Variants in SP8 observed in about 807,000 individuals in gnomAD.
SP8 encodes the protein transcription factor Sp8.
SP8 carries 7 observed loss-of-function variants against 15.3 expected under a neutral mutation model. The observed-to-expected ratio is 0.46, with a 90% CI of 0.26 to 0.86. The LOEUF (loss-of-function observed/expected upper bound fraction) is 0.86, where lower values mean the gene tolerates loss of function less well. Ranked by LOEUF, SP8 falls within the 40% of genes least tolerant of loss-of-function variation. SP8 has a pLI of 0.16. For missense variants in SP8, 731 were observed against 736.4 expected (o/e 0.99, Z 0.09); for synonymous variants, 415 against 356.3 (o/e 1.16, Z -1.86).
Position 20,784,322 on chromosome 7 carries a change from G to C in SP8, c.1495C>G (p.Pro499Ala). ...PCHSPELLQP[P>A]EPGHRNGLE ...AGGCCGTTGCGGTGCCCGGGCTCGG[G>C]GGGCTGCAGCAGCTCTGGGGAGTGG... is the stretch of plus-strand genomic sequence containing the variant. Residue 499 changes from proline to alanine, a missense_variant, in exon 2 of 2, where the codon CCC becomes GCC. Pro to Ala is a conservative substitution (Grantham distance 27, BLOSUM62 -1). This residue lies in a region of SP8 where 114 missense variants were observed against 111.9 expected (regional missense o/e 1.02). Coordinates refer to ENST00000418710, the MANE Select transcript of SP8 (RefSeq NM_182700.6). 1 of 1,504,074 alleles carries C rather than the reference G, an allele frequency of 6.6e-7. No homozygotes were observed. Among genetic ancestry groups the C allele is most frequent in the Non-Finnish European group, 8.8e-7 (1 of 1,133,560 alleles). 93.2% of individuals were successfully genotyped at this position (1,504,074 alleles called of 1,614,324 possible).
rs576741005 is a variant in SP8, at chr7:20,785,976, G to A, written c.22-181C>T. 2.9e-4 allele frequency: 417 copies of A among 1,444,592 alleles called. No individual in the cohort carries two copies. Among genetic ancestry groups the A allele is most frequent in the Admixed American group, 3.2e-4 (12 of 37,510 alleles). The allele number at this position is 1,444,592 out of a possible 1,614,324, so 89.5% of individuals were successfully genotyped here. A position where few individuals can be genotyped will look rare whatever the true frequency, so the allele number is the denominator to read the frequency against. ...GCACCCCCAACAGCCCCGGCGCCCGGCCGCTTCCTACTCTACAGGAGGGGA... is the reference window on the plus strand; with the variant it reads ...GCACCCCCAACAGCCCCGGCGCCCGACCGCTTCCTACTCTACAGGAGGGGA... On this transcript the variant is annotated intron_variant, in intron 1 of 1. Coordinates refer to ENST00000418710, the MANE Select transcript of SP8 (RefSeq NM_182700.6). This position sits in a 1 kb window ranked among gnomAD's most constrained non-coding sequence, Gnocchi z 7.2.
rs545627561 is a variant in SP8 at position 20,783,326 on chromosome 7, A to T, written c.*964T>A. The T allele has an allele frequency of 6.5e-6, 1 of 152,732 alleles. No homozygotes were observed. The highest frequency in any genetic ancestry group is 2.4e-5 in the African/African-American group (1 of 41,568). 9.5% of individuals were successfully genotyped at this position (152,732 alleles called of 1,614,324 possible). On this transcript the variant is annotated 3_prime_UTR_variant, in exon 2 of 2. Transcript: ENST00000418710. The stretch of plus-strand genomic sequence containing the variant: ...CACCGGAAAGGAGTATTTTTGCATA[A>T]GAAAAAAGCACCTACCCTCACCCCC...
Position 20,785,900 on chromosome 7 carries a change from G to T in SP8, c.22-105C>A. On this transcript the variant is annotated intron_variant, in intron 1 of 1. Transcript: ENST00000418710. This position sits in a 1 kb window ranked among gnomAD's most constrained non-coding sequence, Gnocchi z 7.2. Reference sequence around the variant, plus strand: ...TCAGTCCTTCGGTAGCCTCCAAAGCGCCCCACTGCACCCCATCTCTCGCTG... The same window carrying T: ...TCAGTCCTTCGGTAGCCTCCAAAGCTCCCCACTGCACCCCATCTCTCGCTG... 3 of 1,478,118 alleles carry T rather than the reference G, an allele frequency of 2.0e-6. No homozygotes were observed. The highest frequency in any genetic ancestry group is 2.7e-5 in the South Asian group (2 of 74,564). The allele number at this position is 1,478,118 out of a possible 1,614,324, so 91.6% of individuals were successfully genotyped here.
rs1236006418 is a variant in SP8 at position 20,782,344 on chromosome 7, A to C, written c.*1946T>G. The C allele has an allele frequency of 6.5e-6, 1 of 152,684 alleles. No homozygotes were observed. Among genetic ancestry groups the C allele is most frequent in the African/African-American group, 2.4e-5 (1 of 41,478 alleles). 9.5% of individuals were successfully genotyped at this position (152,684 alleles called of 1,614,324 possible). A position where few individuals can be genotyped will look rare whatever the true frequency, so the allele number is the denominator to read the frequency against. On this transcript the variant is annotated 3_prime_UTR_variant, in exon 2 of 2. Transcript: ENST00000418710. ...CAAATAAATCAATTACATTTCATGC[A>C]TTTAAAATGCAAATCTAAAATGCTC...
chr7:20,786,129 A>C lies in SP8; in HGVS notation c.22-334T>G. 1 of 768,432 alleles carries C rather than the reference A, an allele frequency of 1.3e-6. No individual in the cohort carries two copies. The highest frequency in any genetic ancestry group is 1.6e-6 in the Non-Finnish European group (1 of 606,272). The allele number at this position is 768,432 out of a possible 1,614,324, so 47.6% of individuals were successfully genotyped here. A position where few individuals can be genotyped will look rare whatever the true frequency, so the allele number is the denominator to read the frequency against. On this transcript the variant is annotated intron_variant, in intron 1 of 1. Transcript: ENST00000418710. This position sits in a 1 kb window ranked among gnomAD's most constrained non-coding sequence, Gnocchi z 4.4. ...CAGACACTTCGTAACAAACAAGCAA[A>C]AAGTCCAGATTGGAGAGGAAGGAAG...
Position 20,785,593 on chromosome 7 carries a change from G to C in SP8, c.224C>G (p.Ser75Cys). Residue 75 changes from serine (S) to cysteine (C), a missense_variant, in exon 2 of 2, where the codon TCC becomes TGC. Coordinates refer to ENST00000418710, the MANE Select transcript of SP8 (RefSeq NM_182700.6). The surrounding 1 kb of genome is among the most constrained non-coding windows in gnomAD (Gnocchi z 7.2). ...CGAGCCGCCGTTCCTGGAGGCCCCG[G>C]ACACGCCGAAGCTTGAGAGACTGGA... is the stretch of plus-strand genomic sequence containing the variant. Reference protein sequence around the residue: ...VGSSLSSFGVSGASRNGGSSS... With the variant: ...VGSSLSSFGVCGASRNGGSSS... The C allele has an allele frequency of 6.4e-7, 1 of 1,562,034 alleles. No individual in the cohort carries two copies. Among genetic ancestry groups the C allele is most frequent in the Non-Finnish European group, 8.7e-7 (1 of 1,148,716 alleles).
rs781775620 is a variant in SP8, at chr7:20,785,322, GCCGCCGCCGCCGCCC to G, written c.480_494del (p.Gly161_Gly165del). On this transcript the variant is annotated inframe_deletion, in exon 2 of 2. Coordinates refer to ENST00000418710, the MANE Select transcript of SP8 (RefSeq NM_182700.6). This position sits in a 1 kb window ranked among gnomAD's most constrained non-coding sequence, Gnocchi z 7.2. The stretch of plus-strand genomic sequence containing the variant: ...AGCCGTCCTGCGAGTGCGCGGAGGA[GCCGCCGCCGCCGCCC>G]CCGCCGCCGCCGCCGCTGCCCCCGG... The G allele has an allele frequency of 5.2e-5, 47 of 902,034 alleles. No individual in the cohort carries two copies. Among genetic ancestry groups the G allele is most frequent in the South Asian group, 1.5e-4 (9 of 60,456 alleles). 55.9% of individuals were successfully genotyped at this position (902,034 alleles called of 1,614,324 possible). A position where few individuals can be genotyped will look rare whatever the true frequency, so the allele number is the denominator to read the frequency against.
chr7:20,784,160 GCAGAAA>G lies in SP8; in HGVS notation c.*124_*129del. On this transcript the variant is annotated 3_prime_UTR_variant, in exon 2 of 2. Transcript: ENST00000418710. The stretch of plus-strand genomic sequence containing the variant: ...GTCACAGAAGGAAGAAGGAAGAGGG[GCAGAAA>G]CAGAAAGAGACAGAGAGCGAGTCGG... 1 of 817,344 alleles carries G rather than the reference GCAGAAA, an allele frequency of 1.2e-6. No homozygotes were observed. The highest frequency in any genetic ancestry group is 1.7e-6 in the Non-Finnish European group (1 of 575,856). The allele number at this position is 817,344 out of a possible 1,614,324, so 50.6% of individuals were successfully genotyped here. A position where few individuals can be genotyped will look rare whatever the true frequency, so the allele number is the denominator to read the frequency against.
rs995520585 is a variant in SP8, at chr7:20,786,394, AC to A, written c.21+383del. Among the ~76,000 whole-genome samples, 7 of 152,150 alleles carry A rather than the reference AC, an allele frequency of 4.6e-5. No individual in the cohort carries two copies. Among genetic ancestry groups the A allele is most frequent in the African/African-American group, 1.7e-4 (7 of 41,422 alleles). Reference sequence around the variant, plus strand: ...GAGACGAGTTCAACGTACCTGCGAGACAAGGCGGGCTGCAGAATTTTTTTTT... The same window carrying A: ...GAGACGAGTTCAACGTACCTGCGAGAAAGGCGGGCTGCAGAATTTTTTTTT... On this transcript the variant is annotated intron_variant, in intron 1 of 1. Coordinates refer to ENST00000418710, the MANE Select transcript of SP8 (RefSeq NM_182700.6). This position sits in a 1 kb window ranked among gnomAD's most constrained non-coding sequence, Gnocchi z 4.4.
rs749699564 is a variant in SP8, at chr7:20,785,061, G to A, written c.756C>T (p.His252=). The change falls in exon 2 of 2, where the codon CAC becomes CAT. Residue 252 remains histidine (H), a synonymous_variant. Coordinates refer to ENST00000418710, the MANE Select transcript of SP8 (RefSeq NM_182700.6). This position sits in a 1 kb window ranked among gnomAD's most constrained non-coding sequence, Gnocchi z 7.2. ...AGGTTTGGAGCCCCCCGGCGGCAGG[G>A]TGCAGCGAGCCGGGCAGCGCAGCCG... is the stretch of plus-strand genomic sequence containing the variant. ...NSAAALPGSL[H]PAAGGLQTSL... 7.6e-6 allele frequency: 12 copies of A among 1,580,064 alleles called. No homozygotes were observed. The highest frequency in any genetic ancestry group is 2.3e-5 in the East Asian group (1 of 43,364).
At position 20,782,926 on chromosome 7, in the gene SP8, G is replaced by C. The variant is rs796572620; in HGVS notation, c.*1364C>G. On this transcript the variant is annotated 3_prime_UTR_variant, in exon 2 of 2. Coordinates refer to ENST00000418710, the MANE Select transcript of SP8 (RefSeq NM_182700.6). Reference sequence around the variant, plus strand: ...TACAAGAAAAATACTATACAAAATCGTCTCCTGGACAACTGCACCTCACAC... The same window carrying C: ...TACAAGAAAAATACTATACAAAATCCTCTCCTGGACAACTGCACCTCACAC... The C allele has an allele frequency of 8.5e-5, 13 of 152,256 alleles. No homozygotes were observed. The East Asian group carries it at 1.9e-3, about 23-fold the overall frequency. The allele number at this position is 152,256 out of a possible 1,614,324, so 9.4% of individuals were successfully genotyped here.
At position 20,785,077 on chromosome 7, in the gene SP8, A is replaced by C; in HGVS notation, c.740T>G (p.Leu247Arg). 6.3e-7 allele frequency: 1 copy of C among 1,581,548 alleles called. No homozygotes were observed. Among genetic ancestry groups the C allele is most frequent in the Non-Finnish European group, 8.6e-7 (1 of 1,169,374 alleles). Residue 247 changes from leucine (L) to arginine (R), a missense_variant, in exon 2 of 2, where the codon CTG (leucine) becomes CGG (arginine). Transcript: ENST00000418710. This position sits in a 1 kb window ranked among gnomAD's most constrained non-coding sequence, Gnocchi z 7.2. Reference sequence around the variant, plus strand: ...GGCGGCAGGGTGCAGCGAGCCGGGCAGCGCAGCCGCGCTGTTCGGGTTCTG... The same window carrying C: ...GGCGGCAGGGTGCAGCGAGCCGGGCCGCGCAGCCGCGCTGTTCGGGTTCTG... Reference protein sequence around the residue: ...DVQNPNSAAALPGSLHPAAGG... With the variant: ...DVQNPNSAAARPGSLHPAAGG...
Position 20,784,232 on chromosome 7 carries a change from G to T in SP8, c.*58C>A, listed in dbSNP as rs527628733. 1.5e-6 allele frequency: 2 copies of T among 1,367,152 alleles called. No homozygotes were observed. Among genetic ancestry groups the T allele is most frequent in the Admixed American group, 6.4e-5 (2 of 31,400 alleles). 84.7% of individuals were successfully genotyped at this position (1,367,152 alleles called of 1,614,324 possible). A position where few individuals can be genotyped will look rare whatever the true frequency, so the allele number is the denominator to read the frequency against. The stretch of plus-strand genomic sequence containing the variant: ...GCTGGAGTTGAAGTCCGGACAGACA[G>T]GGCCCAAGAGGACTTGGTGGGAGGA... On this transcript the variant is annotated 3_prime_UTR_variant, in exon 2 of 2. Coordinates refer to ENST00000418710, the MANE Select transcript of SP8 (RefSeq NM_182700.6).
Position 20,785,979 on chromosome 7 carries a change from G to A in SP8, c.22-184C>T, listed in dbSNP as rs1008783286. 5.5e-6 allele frequency: 8 copies of A among 1,442,812 alleles called. No individual in the cohort carries two copies. The East Asian group carries it at 1.0e-4, about 18-fold the overall frequency. The allele number at this position is 1,442,812 out of a possible 1,614,324, so 89.4% of individuals were successfully genotyped here. A position where few individuals can be genotyped will look rare whatever the true frequency, so the allele number is the denominator to read the frequency against. ...CCCCCAACAGCCCCGGCGCCCGGCC[G>A]CTTCCTACTCTACAGGAGGGGACAA... is the stretch of plus-strand genomic sequence containing the variant. On this transcript the variant is annotated intron_variant, in intron 1 of 1. Coordinates refer to ENST00000418710, the MANE Select transcript of SP8 (RefSeq NM_182700.6). This position sits in a 1 kb window ranked among gnomAD's most constrained non-coding sequence, Gnocchi z 7.2.
At position 20,783,126 on chromosome 7, in the gene SP8, T is replaced by C. The variant is rs1562604700; in HGVS notation, c.*1164A>G. The C allele has an allele frequency of 6.6e-6, 1 of 152,586 alleles. No homozygotes were observed. Among genetic ancestry groups the C allele is most frequent in the Admixed American group, 6.5e-5 (1 of 15,284 alleles). 9.5% of individuals were successfully genotyped at this position (152,586 alleles called of 1,614,324 possible). On this transcript the variant is annotated 3_prime_UTR_variant, in exon 2 of 2. Coordinates refer to ENST00000418710, the MANE Select transcript of SP8 (RefSeq NM_182700.6). ...GATAGCTTCTTCACTTGTTTGTAAG[T>C]TTAAATCACACACAAAAAAGTTTAA...
chr7:20,784,909 G>A lies in SP8; in HGVS notation c.908C>T (p.Pro303Leu). The change falls in exon 2 of 2, where the codon CCA becomes CTA. Residue 303 changes from proline to leucine, a missense_variant. Pro to Leu is a moderately conservative substitution (Grantham distance 98). Transcript: ENST00000418710. ...GTCCGGGTAGGAGCCGGGTAGCACT[G>A]GCTTGAAGCCGTCCATGAGGTGCTG... ...AGQHLMDGFK[P>L]VLPGSYPDSA... The A allele has an allele frequency of 6.5e-7, 1 of 1,540,598 alleles. No homozygotes were observed. Among genetic ancestry groups the A allele is most frequent in the Non-Finnish European group, 8.7e-7 (1 of 1,149,654 alleles).
Position 20,785,269 on chromosome 7 carries a change from A to G in SP8, c.548T>C (p.Val183Ala), listed in dbSNP as rs1344538960. ...GSHQPVFISK[V>A]HTSVDGLQGI... ...CTGCAGCCCGTCCACAGAGGTGTGC[A>G]CCTTGGAGATGAACACCGGCTGGTG... is the stretch of plus-strand genomic sequence containing the variant. Residue 183 changes from valine to alanine, a missense_variant, in exon 2 of 2, where the codon GTG becomes GCG. Transcript: ENST00000418710. This position sits in a 1 kb window ranked among gnomAD's most constrained non-coding sequence, Gnocchi z 7.2. The G allele has an allele frequency of 1.3e-6, 2 of 1,578,576 alleles. No individual in the cohort carries two copies. Among genetic ancestry groups the G allele is most frequent in the Non-Finnish European group, 1.7e-6 (2 of 1,165,758 alleles).
Position 20,784,995 on chromosome 7 carries a change from C to T in SP8, c.822G>A (p.Ser274=), listed in dbSNP as rs34908430. The change falls in exon 2 of 2, where the codon TCG becomes TCA. Residue 274 remains serine, a synonymous_variant. Transcript: ENST00000418710. ...SPLGGYNSDY[S]GLSHSAFSSG... ...TGCTGAAGGCCGAGTGACTCAGGCC[C>T]GAGTAATCCGAGTTGTAGCCTCCGA... is the stretch of plus-strand genomic sequence containing the variant. 472,244 of 1,572,146 alleles carry T rather than the reference C, an allele frequency of 0.3. 74,320 individuals carry two copies. The highest frequency in any genetic ancestry group is 0.46 in the Admixed American group (26,184 of 57,336).
rs2128063562 is a variant in SP8, at chr7:20,785,274, G to A, written c.543C>T (p.Ser181=). The change falls in exon 2 of 2, where the codon TCC becomes TCT. Residue 181 remains serine, a synonymous_variant. Coordinates refer to ENST00000418710, the MANE Select transcript of SP8 (RefSeq NM_182700.6). This position sits in a 1 kb window ranked among gnomAD's most constrained non-coding sequence, Gnocchi z 7.2. ...GCCCGTCCACAGAGGTGTGCACCTT[G>A]GAGATGAACACCGGCTGGTGGGAGC... ...QDGSHQPVFI[S]KVHTSVDGLQ... The A allele has an allele frequency of 1.3e-6, 2 of 1,576,328 alleles. No homozygotes were observed. The highest frequency in any genetic ancestry group is 8.6e-7 in the Non-Finnish European group (1 of 1,164,730).
Sources: gnomAD v4.1 joint callset for allele counts (sites outside exome capture counted in the v4.1 genomes callset) on GRCh38, gnomAD v4.1.1 for gene constraint, gnomAD v4.1.1 regional missense constraint, Gnocchi (gnomAD v3.1) non-coding constraint, MANE v1.5 for transcripts, NCBI Gene and HGNC (gene_info 2026-07-23, HGNC 2026-07-21) for gene names.